TMTC1: variants seen among roughly 807,000 people sequenced by gnomAD.
TMTC1 encodes the protein transmembrane O-mannosyltransferase targeting cadherins 1.
A neutral mutation model predicts 104.8 loss-of-function variants in TMTC1; 73 were observed. The ratio of observed to expected loss-of-function variants is 0.70; its 90% confidence interval spans 0.58 to 0.85. TMTC1 has a LOEUF of 0.85. TMTC1 is among the 40% of genes least tolerant of loss of function. The pLI is 0.00. For missense variants in TMTC1, 1,035 were observed against 1,096.1 expected, an observed-to-expected ratio of 0.94 and a Z score of 0.79; for synonymous variants, 434 against 428.7, an observed-to-expected ratio of 1.01 and a Z score of -0.15.
At chr12:29,610,676 C>T (rs904682863) in intron 6 of TMTC1, among the ~76,000 whole-genome samples, 2 of 152,178 alleles carry the variant, frequency 1.3e-5, no homozygotes, top group Admixed American at 6.5e-5. Context: ...CCCCAGTGGT[C>T]ACAAGGTCAC....
intron 8 of TMTC1, among the ~76,000 whole-genome samples, chr12:29,580,691 T>C (rs1207011451): frequency 6.6e-6 from 1 of 152,176 alleles, no homozygotes; most frequent in African/African-American, 2.4e-5. Flanking sequence ...TGGCTCCTGT[T>C]TTGGGCCATT....
At chr12:29,695,830 A>ATATATATATATATAT in intron 5 of TMTC1, among the ~76,000 whole-genome samples, 1 of 66,072 alleles carries the variant, frequency 1.5e-5, no homozygotes, top group South Asian at 5.0e-4. Flanking sequence ...TATATATATA[A>ATATATATATATATAT]CCTGTCTTCA....
intron 5 of TMTC1, among the ~76,000 whole-genome samples, chr12:29,664,368 C>G (rs770755455): frequency 6.6e-6 from 1 of 151,916 alleles, no homozygotes; most frequent in Admixed American, 6.6e-5. Context: ...GAAAGTAACC[C>G]AAAATAACAT....
At chr12:29,676,179 T>C (rs892998768) in intron 5 of TMTC1, among the ~76,000 whole-genome samples, 7 of 152,234 alleles carry the variant, frequency 4.6e-5, no homozygotes, top group African/African-American at 1.7e-4. Flanking sequence ...TTTTGAAACA[T>C]TTATCTGTTC....
intron 8 of TMTC1, 132 bp from the exon 9 acceptor site, chr12:29,572,350 T>C (rs776752135): frequency 8.0e-6 from 6 of 747,464 alleles, no homozygotes; most frequent in African/African-American, 1.8e-5. Flanking sequence ...CATTGTAGCC[T>C]ACAAGGCTTC....
chr12:29,704,607 C>T (rs988018841), intron 5 of TMTC1, among the ~76,000 whole-genome samples: 1 of 152,158 alleles, frequency 6.6e-6, no homozygotes, highest in African/African-American at 2.4e-5. Flanking sequence ...ATCTAATACA[C>T]TGAAATTTAA....
Position 29,783,883 on chromosome 12 carries a change from G to C in TMTC1, c.-132C>G, listed in dbSNP as rs1565834826. 1 of 901,490 alleles carries C rather than the reference G, an allele frequency of 1.1e-6. No homozygotes were observed. Among genetic ancestry groups the C allele is most frequent in the African/African-American group, 1.8e-5 (1 of 56,122 alleles). 55.8% of individuals were successfully genotyped at this position (901,490 alleles called of 1,614,324 possible). ...TGGTGCTGCGGCAGCTGGACCCGCC[G>C]CGAGCTCCCCGCGCTCCGCCGCCGC... On this transcript the variant is annotated 5_prime_UTR_variant, in exon 1 of 18. Transcript: ENST00000539277. The surrounding 1 kb of genome is among the most constrained non-coding windows in gnomAD (Gnocchi z 4.7).
At chr12:29,737,244 C>A (rs1942702024) in intron 5 of TMTC1, among the ~76,000 whole-genome samples, 1 of 152,186 alleles carries the variant, frequency 6.6e-6, no homozygotes, top group South Asian at 2.1e-4. Flanking sequence ...GGTGGCCGGG[C>A]ATGGTGGCTC....
At chr12:29,516,550 T>G (rs1943992864) in intron 14 of TMTC1, 64 bp from the exon 15 acceptor site, 10 of 1,522,622 alleles carry the variant, frequency 6.6e-6, no homozygotes, top group Non-Finnish European at 8.9e-6. Context: ...AAAGCATCCC[T>G]GAATAGAAGC....
intron 9 of TMTC1, among the ~76,000 whole-genome samples, chr12:29,564,030 A>G (rs1236727420): frequency 6.6e-6 from 1 of 152,100 alleles, no homozygotes. Context: ...TGGGAGTGCG[A>G]GGGAGGGGTA....
chr12:29,700,294 G>A (rs1175276611), intron 5 of TMTC1, among the ~76,000 whole-genome samples: 5 of 149,600 alleles, frequency 3.3e-5, no homozygotes, highest in Non-Finnish European at 7.4e-5. Context: ...GTGCAGTGGT[G>A]TGATCTTGGC....
In TMTC1 at chr12:29,783,132, C is replaced by G. The variant is rs1592051313; in HGVS notation, c.302+318G>C. On this transcript the variant is annotated intron_variant, in intron 1 of 17. Transcript: ENST00000539277. The surrounding 1 kb of genome is among the most constrained non-coding windows in gnomAD (Gnocchi z 4.7). ...TCCCACTTGGTCACGATCCGGCAGG[C>G]GAAGGGGTGCGGAGGCGGTTTCACC... The G allele has an allele frequency of 3.3e-6, 1 of 305,892 alleles. No homozygotes were observed. The allele number at this position is 305,892 out of a possible 1,614,324, so 18.9% of individuals were successfully genotyped here.
chr12:29,737,325 C>T (rs922706479), intron 5 of TMTC1, among the ~76,000 whole-genome samples: 3 of 152,158 alleles, frequency 2.0e-5, no homozygotes, highest in Non-Finnish European at 4.4e-5. Context: ...TCAAGACCAG[C>T]CTGACCAACG....
At chr12:29,645,630 G>C (rs1486491661) in intron 5 of TMTC1, among the ~76,000 whole-genome samples, 1 of 152,040 alleles carries the variant, frequency 6.6e-6, no homozygotes. Flanking sequence ...AATAAATACT[G>C]GGTTCATTTT....
At chr12:29,683,569 G>A (rs967128757) in intron 5 of TMTC1, among the ~76,000 whole-genome samples, 1 of 152,172 alleles carries the variant, frequency 6.6e-6, no homozygotes, top group Non-Finnish European at 1.5e-5. Context: ...TCAATTGTGT[G>A]TAACATAAAT....
At chr12:29,767,321 C>T (rs1943489030) in intron 2 of TMTC1, among the ~76,000 whole-genome samples, 1 of 152,182 alleles carries the variant, frequency 6.6e-6, no homozygotes, top group Non-Finnish European at 1.5e-5. Flanking sequence ...ACTTGGGAAA[C>T]AGTATGTAAG....
At chr12:29,559,521 GAAGTA>G (rs1308005942) in intron 9 of TMTC1, among the ~76,000 whole-genome samples, 1 of 152,200 alleles carries the variant, frequency 6.6e-6, no homozygotes, top group African/African-American at 2.4e-5. Flanking sequence ...AGTAAGAAGA[GAAGTA>G]AAGAGAAACA....
intron 9 of TMTC1, among the ~76,000 whole-genome samples, chr12:29,560,178 T>A (rs1945342926): frequency 6.6e-6 from 1 of 152,190 alleles, no homozygotes; most frequent in Non-Finnish European, 1.5e-5. Context: ...TCTACAGGTA[T>A]GTTTTACAAA....
chr12:29,641,978 T>C (rs1938874595), intron 5 of TMTC1, among the ~76,000 whole-genome samples: 1 of 152,066 alleles, frequency 6.6e-6, no homozygotes, highest in Non-Finnish European at 1.5e-5. Context: ...ATTGAACAAG[T>C]AGAAGAAGAA....
Sources: allele counts gnomAD v4.1 joint callset (sites outside exome capture counted in the v4.1 genomes callset), GRCh38; gene constraint gnomAD v4.1.1; non-coding constraint Gnocchi (gnomAD v3.1); transcripts MANE v1.5; gene names NCBI Gene and HGNC (gene_info 2026-07-23, HGNC 2026-07-21).